The following STX1B variants were observed in gnomAD, a reference collection of about 807,000 sequenced individuals.
STX1B encodes syntaxin 1B.
Under a neutral mutation model 39.4 loss-of-function variants are expected in STX1B, and 7 were observed. The observed-to-expected ratio is 0.18, with a 90% CI of 0.10 to 0.33. The LOEUF (loss-of-function observed/expected upper bound fraction) is 0.33. Ranked by LOEUF, STX1B falls within the 10% of genes least tolerant of loss-of-function variation. STX1B has a pLI of 1.00. For synonymous variants in STX1B, 136 were observed against 144.1 expected (o/e 0.94, Z 0.40); for missense variants, 198 against 383.2 (o/e 0.52, Z 4.04).
At position 30,997,621 on chromosome 16, in the gene STX1B, T is replaced by A. The variant is rs1596717365; in HGVS notation, c.281-46A>T. Reference sequence around the variant, plus strand: ...CGATGGGCGGGAGACCCGGGGCACATGGGGCGAGGGTCCGGGGCGTACGAA... The same window carrying A: ...CGATGGGCGGGAGACCCGGGGCACAAGGGGCGAGGGTCCGGGGCGTACGAA... On this transcript the variant is annotated intron_variant, in intron 4 of 9. Transcript: ENST00000215095. The A allele has an allele frequency of 9.0e-6, 14 of 1,552,444 alleles. No homozygotes were observed. In the East Asian group the frequency reaches 3.0e-4, roughly 34 times the overall value.
chr16:31,000,246 TCC>T (rs2056618408), intron 4 of STX1B, among the ~76,000 whole-genome samples: 1 of 152,014 alleles, frequency 6.6e-6, no homozygotes, highest in Admixed American at 6.6e-5. Context: ...CCTCAGGTGA[TCC>T]ACCCACCTTG....
chr16:31,010,492 CGGGG>C lies in STX1B; in HGVS notation c.-100_-97del. On this transcript the variant is annotated 5_prime_UTR_variant, in exon 1 of 10. Coordinates refer to ENST00000215095, the MANE Select transcript of STX1B (RefSeq NM_052874.5). ...GCCGGAGGCCGGGGTCTGGGGGCGCCGGGGGGCGCCGCGGCCGCTGCGGGGGGCC... is the reference window on the plus strand; with the variant it reads ...GCCGGAGGCCGGGGTCTGGGGGCGCCGGCGCCGCGGCCGCTGCGGGGGGCC... 1.7e-6 allele frequency: 1 copy of C among 605,748 alleles called. No individual in the cohort carries two copies. The highest frequency in any genetic ancestry group is 2.2e-6 in the Non-Finnish European group (1 of 454,792). 37.5% of individuals were successfully genotyped at this position (605,748 alleles called of 1,614,324 possible).
At chr16:30,999,769 G>A (rs1038109733) in intron 4 of STX1B, among the ~76,000 whole-genome samples, 9 of 152,146 alleles carry the variant, frequency 5.9e-5, no homozygotes, top group Non-Finnish European at 1.0e-4. Flanking sequence ...GAAGCCACTC[G>A]GAAGATCACC....
rs1430613010 is a variant in STX1B at position 30,992,661 on chromosome 16, C to T, written c.*160G>A. 26 of 436,828 alleles carry T rather than the reference C, an allele frequency of 6.0e-5. No individual in the cohort carries two copies. The highest frequency in any genetic ancestry group is 2.6e-4 in the African/African-American group (6 of 22,960). 27.1% of individuals were successfully genotyped at this position (436,828 alleles called of 1,614,324 possible). Reference sequence around the variant, plus strand: ...GGGGACGGGGGGGGGGTCCATGGCCCGGTGAGGTCCAGGGACACCAGGGTC... The same window carrying T: ...GGGGACGGGGGGGGGGTCCATGGCCTGGTGAGGTCCAGGGACACCAGGGTC... On this transcript the variant is annotated 3_prime_UTR_variant, in exon 10 of 10. Transcript: ENST00000215095.
At chr16:30,999,699 A>C (rs2056613904) in intron 4 of STX1B, among the ~76,000 whole-genome samples, 1 of 152,210 alleles carries the variant, frequency 6.6e-6, no homozygotes, top group Non-Finnish European at 1.5e-5. Context: ...GGGCCCACCC[A>C]CTGGGTGCTC....
At position 30,992,652 on chromosome 16, in the gene STX1B, T is replaced by A; in HGVS notation, c.*169A>T. On this transcript the variant is annotated 3_prime_UTR_variant, in exon 10 of 10. Transcript: ENST00000215095. ...TCTACGTGCGGGGACGGGGGGGGGG[T>A]CCATGGCCCGGTGAGGTCCAGGGAC... 2.8e-6 allele frequency: 1 copy of A among 357,174 alleles called. No homozygotes were observed. The highest frequency in any genetic ancestry group is 4.7e-6 in the Non-Finnish European group (1 of 213,152). The allele number at this position is 357,174 out of a possible 1,614,324, so 22.1% of individuals were successfully genotyped here. A position where few individuals can be genotyped will look rare whatever the true frequency, so the allele number is the denominator to read the frequency against.
intron 1 of STX1B, 35 bp downstream of exon 1, chr16:31,010,332 T>C (rs771058298): frequency 3.7e-6 from 3 of 811,432 alleles, no homozygotes; most frequent in Non-Finnish European, 5.2e-6. Flanking sequence ...AATATTGGGG[T>C]CCCGCCCCCC....
At chr16:31,003,014 T>C (rs770593853) in intron 1 of STX1B, among the ~76,000 whole-genome samples, 1 of 152,042 alleles carries the variant, frequency 6.6e-6, no homozygotes, top group African/African-American at 2.4e-5. Flanking sequence ...ACAGCTCAGA[T>C]TGAACCTAGA....
chr16:30,997,637 G>T, intron 4 of STX1B, 62 bp from the exon 5 acceptor site: 1 of 1,496,422 alleles, frequency 6.7e-7, no homozygotes, highest in Non-Finnish European at 9.1e-7. Flanking sequence ...GAGGGTCCGG[G>T]GCGTACGAAT....
At chr16:30,993,727 A>T (rs1055911320) in intron 7 of STX1B, among the ~76,000 whole-genome samples, 5 of 151,970 alleles carry the variant, frequency 3.3e-5, no homozygotes, top group African/African-American at 1.2e-4. Context: ...ACGATGGCTC[A>T]CACCTGTAAT....
intron 1 of STX1B, among the ~76,000 whole-genome samples, chr16:31,006,158 C>A (rs2143685873): frequency 6.6e-6 from 1 of 152,286 alleles, no homozygotes; most frequent in East Asian, 1.9e-4. Context: ...AGCACTGACA[C>A]ACACGGGCTT....
chr16:31,004,969 T>G (rs917555117), intron 1 of STX1B, among the ~76,000 whole-genome samples: 36 of 152,176 alleles, frequency 2.4e-4, no homozygotes, highest in Non-Finnish European at 8.8e-5. Flanking sequence ...AAAAGCCCAC[T>G]CTGCCATGTC....
Position 31,001,078 on chromosome 16 carries a change from C to T in STX1B, c.205+16G>A, listed in dbSNP as rs373330091. 621 of 1,614,116 alleles carry T rather than the reference C, an allele frequency of 3.8e-4. No homozygotes were observed. The African/African-American group carries it at 7.6e-3, about 20-fold the overall frequency. On this transcript the variant is annotated intron_variant, in intron 3 of 9. Coordinates refer to ENST00000215095, the MANE Select transcript of STX1B (RefSeq NM_052874.5). This position sits in a 1 kb window ranked among gnomAD's most constrained non-coding sequence, Gnocchi z 5.5. ...CCTTCTCCTCCCACCCCACAGTCAC[C>T]GGCAGCCACACTCACTCTCATCTGG...
chr16:31,010,078 A>C (rs1248717682), intron 1 of STX1B, among the ~76,000 whole-genome samples: 1 of 151,460 alleles, frequency 6.6e-6, no homozygotes, highest in Non-Finnish European at 1.5e-5. Context: ...ACTCTCTCCC[A>C]TCCCCAGACC....
rs1596712119 is a variant in STX1B, at chr16:30,990,395, A to G, written c.*2426T>C. ...GCAGGCCCCCAGCTCAGGACAGCCCACCTGGGGTTACGCACGTGGCCACAC... is the reference window on the plus strand; with the variant it reads ...GCAGGCCCCCAGCTCAGGACAGCCCGCCTGGGGTTACGCACGTGGCCACAC... On this transcript the variant is annotated 3_prime_UTR_variant, in exon 10 of 10. Transcript: ENST00000215095. 6.6e-6 allele frequency: 1 copy of G among 152,196 alleles called. No individual in the cohort carries two copies. The highest frequency in any genetic ancestry group is 2.4e-5 in the African/African-American group (1 of 41,404). 9.4% of individuals were successfully genotyped at this position (152,196 alleles called of 1,614,324 possible). A position where few individuals can be genotyped will look rare whatever the true frequency, so the allele number is the denominator to read the frequency against.
intron 1 of STX1B, among the ~76,000 whole-genome samples, chr16:31,004,251 G>C: frequency 6.6e-6 from 1 of 152,220 alleles, no homozygotes. Context: ...ATATTTAGAT[G>C]ATGTTTTACA....
At position 30,997,011 on chromosome 16, in the gene STX1B, C is replaced by T. The variant is rs2056596800; in HGVS notation, c.403G>A (p.Ala135Thr). 2.5e-6 allele frequency: 4 copies of T among 1,608,518 alleles called. No individual in the cohort carries two copies. Among genetic ancestry groups the T allele is most frequent in the Non-Finnish European group, 3.4e-6 (4 of 1,179,438 alleles). Reference sequence around the variant, plus strand: ...CGGTCCCGGTACTTGGACTGGGTCGCGTTATATTCGGTCATTACCTCCACG... The same window carrying T: ...CGGTCCCGGTACTTGGACTGGGTCGTGTTATATTCGGTCATTACCTCCACG... ...KFVEVMTEYN[A>T]TQSKYRDRCK... is the part of the protein sequence containing the mutation. Residue 135 changes from alanine (A) to threonine (T), a missense_variant, in exon 6 of 10, where the codon GCG becomes ACG. Ala to Thr is a moderately conservative substitution (Grantham distance 58, BLOSUM62 0). Coordinates refer to ENST00000215095, the MANE Select transcript of STX1B (RefSeq NM_052874.5).
intron 1 of STX1B, among the ~76,000 whole-genome samples, chr16:31,005,470 CTTTTTTTTT>C (rs35407745): frequency 3.5e-5 from 4 of 113,730 alleles, no homozygotes; most frequent in African/African-American, 6.9e-5. Flanking sequence ...TTTCTTTTTC[CTTTTTTTTT>C]TTTTTTTTTT....
chr16:30,998,036 G>A (rs1287165715), intron 4 of STX1B, among the ~76,000 whole-genome samples: 1 of 152,218 alleles, frequency 6.6e-6, no homozygotes, highest in East Asian at 1.9e-4. Flanking sequence ...AGGTGGATCA[G>A]GTTCTAGTGG....
Sources: gnomAD v4.1 joint callset for allele counts (sites outside exome capture counted in the v4.1 genomes callset) on GRCh38, gnomAD v4.1.1 for gene constraint, Gnocchi (gnomAD v3.1) non-coding constraint, MANE v1.5 for transcripts, NCBI Gene and HGNC (gene_info 2026-07-23, HGNC 2026-07-21) for gene names.